HIRA: variants seen among roughly 807,000 people sequenced by gnomAD.
The protein encoded by HIRA is protein HIRA.
HIRA carries 13 observed loss-of-function variants against 126.6 expected under a neutral mutation model. The observed-to-expected ratio is 0.10, with a 90% CI of 0.07 to 0.16. HIRA has a LOEUF of 0.16. Ranked by LOEUF, HIRA falls within the 10% of genes least tolerant of loss-of-function variation. The pLI, the probability that HIRA is intolerant of heterozygous loss-of-function variation, is 1.00. For missense variants in HIRA, 834 were observed against 1,314.4 expected, an observed-to-expected ratio of 0.63 and a Z score of 5.65; for synonymous variants, 511 against 520.0, an observed-to-expected ratio of 0.98 and a Z score of 0.24.
At chr22:19,362,397 A>G (rs2088872178) in intron 15 of HIRA, among the ~76,000 whole-genome samples, 1 of 152,210 alleles carries the variant, frequency 6.6e-6, no homozygotes, top group African/African-American at 2.4e-5. Flanking sequence ...GCATGGAAGG[A>G]AAGAGTGGGG....
At position 19,390,601 on chromosome 22, in the gene HIRA, C is replaced by CAAAAAAAAAAAAAAAAAAAAAAAAAAA. The variant is rs575050947; in HGVS notation, c.936+1499_936+1500insTTTTTTTTTTTTTTTTTTTTTTTTTTT. Among the ~76,000 whole-genome samples, 22 of 38,342 alleles carry CAAAAAAAAAAAAAAAAAAAAAAAAAAA rather than the reference C, an allele frequency of 5.7e-4. 5 individuals carry two copies. Among genetic ancestry groups the CAAAAAAAAAAAAAAAAAAAAAAAAAAA allele is most frequent in the African/African-American group, 1.0e-3 (12 of 11,456 alleles). 25.2% of individuals were successfully genotyped at this position (38,342 alleles called of 152,430 possible). On this transcript the variant is annotated intron_variant, in intron 9 of 24. Coordinates refer to ENST00000263208, the MANE Select transcript of HIRA (RefSeq NM_003325.4). Reference sequence around the variant, plus strand: ...TGGGCAATAGAGGGAGACTCTGTCTCAAAAAAAAAAAAAAAAAAAAAAAAA... The same window carrying CAAAAAAAAAAAAAAAAAAAAAAAAAAA: ...TGGGCAATAGAGGGAGACTCTGTCTCAAAAAAAAAAAAAAAAAAAAAAAAAAAAAAAAAAAAAAAAAAAAAAAAAAAA...
In HIRA at chr22:19,401,996, C is replaced by G. The variant is rs567503642; in HGVS notation, c.397+3790G>C. ...CCCCGCCCCAGCTCCCAGGGGTTCA[C>G]TGGGCACAGTAAGCACATGTCCATG... On this transcript the variant is annotated intron_variant, in intron 5 of 24. Transcript: ENST00000263208. Among the ~76,000 whole-genome samples, 29 of 152,354 alleles carry G rather than the reference C, an allele frequency of 1.9e-4. No homozygotes were observed. In the East Asian group the frequency reaches 5.0e-3, roughly 26 times the overall value.
chr22:19,370,053 C>T (rs2088951234), intron 15 of HIRA, among the ~76,000 whole-genome samples: 1 of 152,130 alleles, frequency 6.6e-6, no homozygotes, highest in Non-Finnish European at 1.5e-5. Flanking sequence ...CGGCTCACTG[C>T]AATCTCTGCC....
At chr22:19,429,858 C>T (rs1481612723) in intron 1 of HIRA, among the ~76,000 whole-genome samples, 1 of 152,182 alleles carries the variant, frequency 6.6e-6, no homozygotes, top group Non-Finnish European at 1.5e-5. Context: ...TTCTATCAGA[C>T]CTTCACACAG....
intron 1 of HIRA, among the ~76,000 whole-genome samples, chr22:19,425,379 T>C (rs1252972275): frequency 1.3e-5 from 2 of 152,112 alleles, no homozygotes; most frequent in African/African-American, 2.4e-5. Context: ...CTGCAGTCCA[T>C]AGGCAAACAC....
intron 24 of HIRA, among the ~76,000 whole-genome samples, chr22:19,337,004 C>T (rs1183793536): frequency 6.6e-6 from 1 of 152,144 alleles, no homozygotes; most frequent in Non-Finnish European, 1.5e-5. Context: ...TCCAAAAGAC[C>T]ACACTAGCTC....
chr22:19,396,038 T>C (rs1420887062), intron 7 of HIRA, among the ~76,000 whole-genome samples: 1 of 152,158 alleles, frequency 6.6e-6, no homozygotes, highest in East Asian at 1.9e-4. Context: ...GCAGGGTGCA[T>C]ATCAACAAGC....
intron 15 of HIRA, among the ~76,000 whole-genome samples, chr22:19,364,175 G>A (rs984838643): frequency 6.6e-5 from 10 of 151,482 alleles, no homozygotes; most frequent in Admixed American, 2.0e-4. Context: ...AAAAAAAAGC[G>A]AGGACTGGAG....
intron 1 of HIRA, among the ~76,000 whole-genome samples, chr22:19,426,205 A>G (rs1231588749): frequency 6.6e-6 from 1 of 151,922 alleles, no homozygotes; most frequent in Non-Finnish European, 1.5e-5. Context: ...AGAAATTCCT[A>G]ACTCCTCTAG....
chr22:19,394,482 G>A lies in HIRA; in HGVS notation c.682C>T (p.Leu228Phe). The A allele has an allele frequency of 6.2e-7, 1 of 1,614,158 alleles. No individual in the cohort carries two copies. Among genetic ancestry groups the A allele is most frequent in the Non-Finnish European group, 8.5e-7 (1 of 1,180,008 alleles). Reference protein sequence around the residue: ...ECGGTTHVLRLSWSPDGHYLV... With the variant: ...ECGGTTHVLRFSWSPDGHYLV... ...TAATGCCCATCAGGTGACCAGCTGA[G>A]CCGCAACACATGGGTCGTTCCTCCA... Residue 228 changes from leucine (L) to phenylalanine (F), a missense_variant, in exon 8 of 25, where the codon CTC becomes TTC. Physicochemically the swap from Leu to Phe is conservative, Grantham distance 22 (BLOSUM62 0). Coordinates refer to ENST00000263208, the MANE Select transcript of HIRA (RefSeq NM_003325.4).
intron 24 of HIRA, among the ~76,000 whole-genome samples, chr22:19,334,737 G>C (rs1245217499): frequency 2.6e-5 from 4 of 151,988 alleles, no homozygotes; most frequent in Non-Finnish European, 4.4e-5. Context: ...TTACTTTTAA[G>C]CCATTGTGTT....
chr22:19,336,845 C>T (rs577725970), intron 24 of HIRA, among the ~76,000 whole-genome samples: 40 of 152,314 alleles, frequency 2.6e-4, no homozygotes, highest in African/African-American at 9.6e-4. Context: ...AGGGGAAGTG[C>T]ACCAAATCAA....
At chr22:19,356,796 T>A in intron 19 of HIRA, 94 bp downstream of exon 19, 1 of 1,279,248 alleles carries the variant, frequency 7.8e-7, no homozygotes, top group Non-Finnish European at 1.1e-6. Context: ...GCCAGCCTTG[T>A]CCACTGCCTT....
Position 19,410,701 on chromosome 22 carries a change from A to T in HIRA, c.100+15T>A. The T allele has an allele frequency of 6.2e-7, 1 of 1,604,378 alleles. No individual in the cohort carries two copies. On this transcript the variant is annotated intron_variant, in intron 2 of 24. Transcript: ENST00000263208. Reference sequence around the variant, plus strand: ...GGGCTGTTAAGCTTTCCCTTTCTTTATTCCATAAACATACCTTGTCCTCCA... The same window carrying T: ...GGGCTGTTAAGCTTTCCCTTTCTTTTTTCCATAAACATACCTTGTCCTCCA...
At chr22:19,370,874 T>C (rs2146205693) in intron 15 of HIRA, among the ~76,000 whole-genome samples, 1 of 152,304 alleles carries the variant, frequency 6.6e-6, no homozygotes, top group East Asian at 1.9e-4. Flanking sequence ...GCTACAGCTG[T>C]ATTTATGGCT....
intron 1 of HIRA, among the ~76,000 whole-genome samples, chr22:19,422,533 C>G (rs977977033): frequency 6.6e-6 from 1 of 152,150 alleles, no homozygotes; most frequent in Non-Finnish European, 1.5e-5. Context: ...TAGTAGCCTA[C>G]TAGGCTCTCC....
At position 19,353,474 on chromosome 22, in the gene HIRA, C is replaced by A. The variant is rs782303550; in HGVS notation, c.2730G>T (p.Val910=). Residue 910 remains valine (V), a synonymous_variant, in exon 23 of 25, where the codon GTG becomes GTT. Coordinates refer to ENST00000263208, the MANE Select transcript of HIRA (RefSeq NM_003325.4). The part of the protein sequence containing the change: ...AARLFSVPHV[V]QQETTLAYLE... Reference sequence around the variant, plus strand: ...GGTAGGCCAGGGTGGTCTCTTGCTGCACCACATGAGGCACGGAGAAGAGCC... The same window carrying A: ...GGTAGGCCAGGGTGGTCTCTTGCTGAACCACATGAGGCACGGAGAAGAGCC... 1.2e-6 allele frequency: 2 copies of A among 1,612,728 alleles called. No homozygotes were observed. The highest frequency in any genetic ancestry group is 1.7e-6 in the Non-Finnish European group (2 of 1,179,818).
At chr22:19,349,500 C>G (rs987044889) in intron 24 of HIRA, among the ~76,000 whole-genome samples, 5 of 152,226 alleles carry the variant, frequency 3.3e-5, no homozygotes, top group Non-Finnish European at 7.3e-5. Flanking sequence ...AAGAAAATCA[C>G]TGGTCTCTGT....
intron 24 of HIRA, among the ~76,000 whole-genome samples, chr22:19,335,608 A>G (rs2088558769): frequency 6.6e-6 from 1 of 152,286 alleles, no homozygotes; most frequent in Non-Finnish European, 1.5e-5. Context: ...AACCCTTTGG[A>G]GGTATATTTT....
Sources: allele counts gnomAD v4.1 joint callset (sites outside exome capture counted in the v4.1 genomes callset), GRCh38; gene constraint gnomAD v4.1.1; transcripts MANE v1.5; gene names NCBI Gene and HGNC (gene_info 2026-07-23, HGNC 2026-07-21).